Variants in XRRA1 observed in about 807,000 individuals in gnomAD.
The protein encoded by XRRA1 is X-ray radiation resistance-associated protein 1.
In XRRA1, 69 loss-of-function variants were observed where a neutral mutation model predicts 80.2. The observed-to-expected ratio is 0.86, with a 90% CI of 0.71 to 1.05. The LOEUF (loss-of-function observed/expected upper bound fraction) is 1.05, where lower values mean the gene tolerates loss of function less well. Ranked by LOEUF, XRRA1 falls within the 50% of genes least tolerant of loss-of-function variation. XRRA1 has a pLI of 0.00. For synonymous variants in XRRA1, 348 were observed against 389.9 expected, an observed-to-expected ratio of 0.89 and a Z score of 1.27; for missense variants, 967 against 976.4, an observed-to-expected ratio of 0.99 and a Z score of 0.13.
chr11:74,886,099 CA>C (rs2048958017), intron 10 of XRRA1, among the ~76,000 whole-genome samples: 5 of 152,124 alleles, frequency 3.3e-5, no homozygotes, highest in Admixed American at 3.3e-4. Context: ...AACCCATTGC[CA>C]ACATCATGCT....
chr11:74,855,399 G>A (rs542309642), intron 12 of XRRA1, among the ~76,000 whole-genome samples: 2 of 152,250 alleles, frequency 1.3e-5, no homozygotes, highest in East Asian at 3.9e-4. Context: ...ATTAAGAATT[G>A]ATAAAAAAAT....
At chr11:74,875,998 C>G (rs758101155) in intron 10 of XRRA1, among the ~76,000 whole-genome samples, 43 of 152,210 alleles carry the variant, frequency 2.8e-4, no homozygotes, top group African/African-American at 1.0e-3. Context: ...TCCAATACAT[C>G]CTGGTATGGG....
chr11:74,915,542 C>T (rs1177255650), intron 8 of XRRA1, among the ~76,000 whole-genome samples: 2 of 152,166 alleles, frequency 1.3e-5, no homozygotes, highest in Admixed American at 6.5e-5. Context: ...ACTGCTGAAC[C>T]CCTAATATGG....
intron 12 of XRRA1, among the ~76,000 whole-genome samples, chr11:74,855,080 C>A (rs547796558): frequency 6.6e-6 from 1 of 152,166 alleles, no homozygotes; most frequent in East Asian, 1.9e-4. Flanking sequence ...AAAAATACTA[C>A]CTTTCTCATT....
rs755179900 is a variant in XRRA1, at chr11:74,930,312, G to A, written c.412C>T (p.Leu138=). Reference sequence around the variant, plus strand: ...AGAAAAAGCTTACCTAGAGGCAGCAGGTTTTCTGAGGCATTGATATAAATC... The same window carrying A: ...AGAAAAAGCTTACCTAGAGGCAGCAAGTTTTCTGAGGCATTGATATAAATC... The part of the protein sequence containing the change: ...SVIYINASEN[L]LPLEAFHTFP... Residue 138 remains leucine (L), a synonymous_variant, in exon 6 of 19, where the codon CTG becomes TTG. Transcript: ENST00000684022. 48 of 1,569,292 alleles carry A rather than the reference G, an allele frequency of 3.1e-5. No homozygotes were observed. The highest frequency in any genetic ancestry group is 1.1e-4 in the South Asian group (9 of 85,188).
intron 4 of XRRA1, among the ~76,000 whole-genome samples, chr11:74,934,531 T>C (rs1591568329): frequency 6.6e-6 from 1 of 152,186 alleles, no homozygotes; most frequent in Admixed American, 6.5e-5. Flanking sequence ...AAATTTAAGA[T>C]GCTATGAGAC....
At chr11:74,848,527 C>T (rs2038913898) in intron 14 of XRRA1, 65 bp from the exon 15 acceptor site, 2 of 1,449,092 alleles carry the variant, frequency 1.4e-6, no homozygotes, top group Non-Finnish European at 1.9e-6. Context: ...CTGGGCCTCA[C>T]TAGCCTAAGG....
At chr11:74,889,428 A>G (rs182992404) in intron 10 of XRRA1, among the ~76,000 whole-genome samples, 20 of 152,360 alleles carry the variant, frequency 1.3e-4, no homozygotes, top group Non-Finnish European at 2.1e-4. Flanking sequence ...AGGAACAACC[A>G]GTACCAGCCA....
intron 10 of XRRA1, chr11:74,877,040 C>T (rs761792201): frequency 1.3e-5 from 2 of 152,188 alleles, no homozygotes; most frequent in African/African-American, 2.4e-5. Context: ...GTTATACTTA[C>T]TCTGCTATTT....
chr11:74,944,625 A>G (rs1947133725), intron 2 of XRRA1, among the ~76,000 whole-genome samples: 1 of 152,198 alleles, frequency 6.6e-6, no homozygotes, highest in Non-Finnish European at 1.5e-5. Context: ...TTCGCCTAGT[A>G]TAGCACTTAT....
intron 3 of XRRA1, 92 bp downstream of exon 3, chr11:74,940,693 T>C: frequency 9.7e-7 from 1 of 1,026,182 alleles, no homozygotes; most frequent in South Asian, 1.4e-5. Context: ...GGAACAGTAG[T>C]GAAGGGGTTG....
At chr11:74,937,594 C>T (rs540535627) in intron 3 of XRRA1, among the ~76,000 whole-genome samples, 1 of 150,064 alleles carries the variant, frequency 6.7e-6, no homozygotes, top group Admixed American at 6.6e-5. Context: ...AAATGTAGGA[C>T]AGATGGCATT....
chr11:74,946,915 G>A (rs1269749397), intron 1 of XRRA1, among the ~76,000 whole-genome samples: 1 of 151,954 alleles, frequency 6.6e-6, no homozygotes, highest in Non-Finnish European at 1.5e-5. Context: ...CCATGCCTGG[G>A]TAATTTTTTG....
At chr11:74,865,133 A>G (rs542531961) in intron 10 of XRRA1, among the ~76,000 whole-genome samples, 6 of 152,080 alleles carry the variant, frequency 3.9e-5, no homozygotes, top group East Asian at 1.9e-4. Flanking sequence ...GCTTCTTCCC[A>G]TATCAAATCC....
chr11:74,892,350 A>G (rs949751629), intron 10 of XRRA1, among the ~76,000 whole-genome samples: 1 of 152,354 alleles, frequency 6.6e-6, no homozygotes, highest in Non-Finnish European at 1.5e-5. Flanking sequence ...CTGCCTAGCC[A>G]TATGTAGAAA....
chr11:74,877,354 G>A (rs1468022997), intron 10 of XRRA1, among the ~76,000 whole-genome samples: 1 of 152,116 alleles, frequency 6.6e-6, no homozygotes, highest in Non-Finnish European at 1.5e-5. Context: ...AGCGACATCT[G>A]GTGGAGGCAA....
chr11:74,931,504 T>C (rs1943551302), intron 5 of XRRA1, among the ~76,000 whole-genome samples: 1 of 152,004 alleles, frequency 6.6e-6, no homozygotes, highest in Non-Finnish European at 1.5e-5. Context: ...TTTTTATTTT[T>C]AGTAGGGACA....
At chr11:74,851,914 ATGAGG>A in intron 13 of XRRA1, 70 bp downstream of exon 13, 1 of 1,260,244 alleles carries the variant, frequency 7.9e-7, no homozygotes, top group Non-Finnish European at 1.2e-6. Context: ...CTTGGCATTG[ATGAGG>A]TGGGGATGAG....
Position 74,859,216 on chromosome 11 carries a change from T to C in XRRA1, c.1112A>G (p.Asn371Ser). The C allele has an allele frequency of 6.2e-7, 1 of 1,610,034 alleles. No homozygotes were observed. Among genetic ancestry groups the C allele is most frequent in the South Asian group, 1.1e-5 (1 of 90,114 alleles). Reference sequence around the variant, plus strand: ...TGGGAAGGGTGGGGCCAGCGTCTGGTTCCTGGCCTTCAGTGACTTCACAGG... The same window carrying C: ...TGGGAAGGGTGGGGCCAGCGTCTGGCTCCTGGCCTTCAGTGACTTCACAGG... ...ILPVKSLKAR[N>S]QTLAPPFPEL... Residue 371 changes from asparagine to serine, a missense_variant, in exon 12 of 19, where the codon AAC (asparagine) becomes AGC (serine). Asn to Ser is a conservative substitution (Grantham distance 46, BLOSUM62 1). Transcript: ENST00000684022.
Sources: gnomAD v4.1 joint callset for allele counts (sites outside exome capture counted in the v4.1 genomes callset) on GRCh38, gnomAD v4.1.1 for gene constraint, MANE v1.5 for transcripts, NCBI Gene and HGNC (gene_info 2026-07-23, HGNC 2026-07-21) for gene names.